The following SLC36A1 variants were observed in gnomAD, a reference collection of about 807,000 sequenced individuals.
The protein encoded by SLC36A1 is proton-coupled amino acid transporter 1.
A neutral mutation model predicts 47.5 loss-of-function variants in SLC36A1; 30 were observed. The ratio of observed to expected loss-of-function variants is 0.63; its 90% CI spans 0.47 to 0.86. SLC36A1 has a LOEUF of 0.86. Among genes scored for constraint, SLC36A1 ranks in the 40% least tolerant of loss-of-function variants. SLC36A1 has a pLI of 0.00. For missense variants in SLC36A1, 517 were observed against 606.0 expected, an observed-to-expected ratio of 0.85 and a Z score of 1.54; for synonymous variants, 255 against 249.7, an observed-to-expected ratio of 1.02 and a Z score of -0.20.
chr5:151,475,167 G>A (rs1757875911), intron 8 of SLC36A1, among the ~76,000 whole-genome samples: 1 of 152,172 alleles, frequency 6.6e-6, no homozygotes, highest in Admixed American at 6.5e-5. Context: ...GCCTGAGTGG[G>A]CCCATACTTC....
intron 10 of SLC36A1, among the ~76,000 whole-genome samples, chr5:151,483,192 T>G (rs1759043843): frequency 6.6e-6 from 1 of 152,254 alleles, no homozygotes; most frequent in Non-Finnish European, 1.5e-5. Context: ...TTTTCAGTGC[T>G]TTGCTCTTGT....
chr5:151,546,543 T>A, the SLC36A1 span, among the ~76,000 whole-genome samples: 6 of 152,148 alleles, frequency 3.9e-5, no homozygotes, highest in Admixed American at 2.0e-4. Flanking sequence ...CATATCACCA[T>A]CAATTATCAC....
At chr5:151,465,308 G>T (rs1439441856) in intron 5 of SLC36A1, 139 bp downstream of exon 5, 3 of 715,216 alleles carry the variant, frequency 4.2e-6, no homozygotes, top group Non-Finnish European at 7.4e-6. Context: ...GCTCAGCTCT[G>T]CTGGTAGTAA....
At chr5:151,385,058 G>A in the SLC36A1 span, among the ~76,000 whole-genome samples, 1 of 151,364 alleles carries the variant, frequency 6.6e-6, no homozygotes, top group South Asian at 2.1e-4. Flanking sequence ...GAGAGAGACA[G>A]AGAGAAAGAG....
chr5:151,458,312 G>GTGTA (rs1491228584), intron 1 of SLC36A1, among the ~76,000 whole-genome samples: 44 of 111,226 alleles, frequency 4.0e-4, no homozygotes, highest in African/African-American at 1.4e-3. Flanking sequence ...GTGTATATAC[G>GTGTA]TATATATATA....
chr5:151,534,950 C>T, the SLC36A1 span, among the ~76,000 whole-genome samples: 20 of 109,054 alleles, frequency 1.8e-4, no homozygotes, highest in African/African-American at 5.2e-4. Flanking sequence ...TCCTTTGGTT[C>T]GTAATTCCAC....
the SLC36A1 span, among the ~76,000 whole-genome samples, chr5:151,547,497 C>G: frequency 5.9e-5 from 9 of 152,344 alleles, no homozygotes; most frequent in East Asian, 1.3e-3. Flanking sequence ...GTCTTATTCC[C>G]TCTATCACGT....
the SLC36A1 span, among the ~76,000 whole-genome samples, chr5:151,536,415 T>C: frequency 6.6e-6 from 1 of 152,064 alleles, no homozygotes; most frequent in Non-Finnish European, 1.5e-5. Context: ...TGCTCAGGTA[T>C]CTCCAAGTCA....
chr5:151,383,961 C>CA, the SLC36A1 span, among the ~76,000 whole-genome samples: 1 of 151,988 alleles, frequency 6.6e-6, no homozygotes, highest in Non-Finnish European at 1.5e-5. Flanking sequence ...CTCTGTGAAA[C>CA]AAGTCCATTG....
chr5:151,421,275 T>C, the SLC36A1 span, among the ~76,000 whole-genome samples: 3 of 150,460 alleles, frequency 2.0e-5, no homozygotes, highest in African/African-American at 7.3e-5. Flanking sequence ...AAGGTCTGGC[T>C]CTGTTGCCCA....
chr5:151,384,641 G>C, the SLC36A1 span, among the ~76,000 whole-genome samples: 1 of 152,162 alleles, frequency 6.6e-6, no homozygotes, highest in South Asian at 2.1e-4. Context: ...AGGTTATATA[G>C]CAAAACTATT....
At chr5:151,364,984 T>C in the SLC36A1 span, among the ~76,000 whole-genome samples, 7 of 152,232 alleles carry the variant, frequency 4.6e-5, no homozygotes, top group South Asian at 1.2e-3. Context: ...AACCCTTGAT[T>C]ATATGGCCAT....
the SLC36A1 span, among the ~76,000 whole-genome samples, chr5:151,362,136 T>G: frequency 6.6e-6 from 1 of 152,166 alleles, no homozygotes; most frequent in Non-Finnish European, 1.5e-5. Flanking sequence ...TTTCTGTTAT[T>G]ATTTTTTAAT....
At chr5:151,457,558 A>G (rs866387393) in intron 1 of SLC36A1, among the ~76,000 whole-genome samples, 3 of 152,150 alleles carry the variant, frequency 2.0e-5, no homozygotes, top group Non-Finnish European at 1.5e-5. Context: ...AAAAGGAAGA[A>G]GAGTTGTGGA....
Position 151,450,236 on chromosome 5 carries a change from G to T in SLC36A1, c.-6+2423G>T, listed in dbSNP as rs191218894. Among the ~76,000 whole-genome samples, 533 of 151,030 alleles carry T rather than the reference G, an allele frequency of 3.5e-3. 3 individuals carry two copies. The highest frequency in any genetic ancestry group is 6.8e-3 in the Non-Finnish European group (463 of 67,702). ...CAGATGTCCACTTACTAGCATGTGG[G>T]ATGGATGGAGCTGATGTCCACTTAC... On this transcript the variant is annotated intron_variant, in intron 1 of 10. Transcript: ENST00000243389.
chr5:151,370,894 G>A, the SLC36A1 span, among the ~76,000 whole-genome samples: 1 of 152,196 alleles, frequency 6.6e-6, no homozygotes, highest in African/African-American at 2.4e-5. Flanking sequence ...TTGGGAGGCT[G>A]AGGCAGGAGA....
the SLC36A1 span, among the ~76,000 whole-genome samples, chr5:151,391,690 T>A: frequency 6.6e-6 from 1 of 152,144 alleles, no homozygotes; most frequent in Non-Finnish European, 1.5e-5. Flanking sequence ...TTCTGTTTAT[T>A]TGCTGGATTA....
the SLC36A1 span, among the ~76,000 whole-genome samples, chr5:151,366,072 T>G: frequency 2.6e-5 from 4 of 152,136 alleles, no homozygotes; most frequent in African/African-American, 9.7e-5. Context: ...CACCTTAGCT[T>G]TTAAAAATGT....
the SLC36A1 span, among the ~76,000 whole-genome samples, chr5:151,400,722 C>G: frequency 1.3e-5 from 2 of 151,956 alleles, no homozygotes; most frequent in African/African-American, 4.8e-5. Flanking sequence ...GCCGTTCTGA[C>G]TGGTGTGAGA....
Sources: allele counts gnomAD v4.1 joint callset (sites outside exome capture counted in the v4.1 genomes callset), GRCh38; gene constraint gnomAD v4.1.1; transcripts MANE v1.5; gene names NCBI Gene and HGNC (gene_info 2026-07-23, HGNC 2026-07-21).